The following SLC44A1 variants were observed in gnomAD, a reference collection of about 807,000 sequenced individuals.
The protein encoded by SLC44A1 is solute carrier family 44 member 1, also known as choline transporter-like protein 1.
In SLC44A1, 26 loss-of-function variants were observed where a neutral mutation model predicts 79.3. The observed-to-expected ratio is 0.33, with a 90% CI of 0.24 to 0.46. The LOEUF is 0.46. SLC44A1 is among the 20% of genes least tolerant of loss of function. The pLI, the probability that SLC44A1 is intolerant of heterozygous loss-of-function variation, is 1.00. For missense variants in SLC44A1, 688 were observed against 798.1 expected (o/e 0.86, Z 1.66); for synonymous variants, 263 against 286.2 (o/e 0.92, Z 0.82).
intron 15 of SLC44A1, among the ~76,000 whole-genome samples, chr9:105,428,552 G>A (rs1349741287): frequency 6.6e-6 from 1 of 152,162 alleles, no homozygotes; most frequent in African/African-American, 2.4e-5. Context: ...CTAATTCTCA[G>A]TTTCCCCATC....
At chr9:105,270,772 G>A (rs1451661106) in intron 1 of SLC44A1, among the ~76,000 whole-genome samples, 1 of 152,118 alleles carries the variant, frequency 6.6e-6, no homozygotes, top group Non-Finnish European at 1.5e-5. Context: ...TAAGCACTGG[G>A]ATTTTGTCAG....
Position 105,395,785 on chromosome 9 carries a change from A to G in SLC44A1, c.*6729A>G, listed in dbSNP as rs1329115721. 3 of 985,214 alleles carry G rather than the reference A, an allele frequency of 3.0e-6. No individual in the cohort carries two copies. The highest frequency in any genetic ancestry group is 1.1e-4 in the East Asian group (1 of 8,820). The allele number at this position is 985,214 out of a possible 1,614,324, so 61.0% of individuals were successfully genotyped here. A position where few individuals can be genotyped will look rare whatever the true frequency, so the allele number is the denominator to read the frequency against. ...TGAGTAAAAAAAAAGTAGACATTGAAAAGAAGACTTGGGAATAATTGGGCA... is the reference window on the plus strand; with the variant it reads ...TGAGTAAAAAAAAAGTAGACATTGAGAAGAAGACTTGGGAATAATTGGGCA... On this transcript the variant is annotated 3_prime_UTR_variant, in exon 16 of 16. Coordinates refer to ENST00000374720, the MANE Select transcript of SLC44A1 (RefSeq NM_080546.5).
chr9:105,354,967 C>G (rs952809550), intron 5 of SLC44A1, among the ~76,000 whole-genome samples: 1 of 152,108 alleles, frequency 6.6e-6, no homozygotes, highest in East Asian at 1.9e-4. Flanking sequence ...ATAGTGCCAA[C>G]CAAGACTGAG....
chr9:105,262,662 G>C (rs1829868329), intron 1 of SLC44A1, among the ~76,000 whole-genome samples: 4 of 152,110 alleles, frequency 2.6e-5, no homozygotes, highest in Admixed American at 2.6e-4. Context: ...ATGTGCTCTT[G>C]CCATAGTCCC....
intron 1 of SLC44A1, 84 bp from the exon 2 acceptor site, chr9:105,299,136 C>T (rs189356488): frequency 4.0e-5 from 37 of 923,826 alleles, no homozygotes; most frequent in Middle Eastern, 3.3e-4. Flanking sequence ...AAGAAGGGCT[C>T]TAGCTATAGC....
intron 15 of SLC44A1, among the ~76,000 whole-genome samples, chr9:105,418,972 C>T (rs1829209887): frequency 6.6e-6 from 1 of 152,186 alleles, no homozygotes; most frequent in Non-Finnish European, 1.5e-5. Context: ...GCTCTGTTTG[C>T]ACTCATCTAC....
intron 15 of SLC44A1, among the ~76,000 whole-genome samples, chr9:105,414,401 T>G (rs1829140733): frequency 1.3e-5 from 2 of 152,220 alleles, no homozygotes; most frequent in Non-Finnish European, 2.9e-5. Context: ...ATCGATGATT[T>G]TCATTAAAGT....
At chr9:105,346,731 T>C (rs1034567898) in intron 4 of SLC44A1, among the ~76,000 whole-genome samples, 1 of 152,142 alleles carries the variant, frequency 6.6e-6, no homozygotes, top group African/African-American at 2.4e-5. Flanking sequence ...AAATATTTAA[T>C]ATTCATGCTT....
chr9:105,412,372 C>T (rs1829108313), intron 15 of SLC44A1, among the ~76,000 whole-genome samples: 1 of 151,992 alleles, frequency 6.6e-6, no homozygotes, highest in South Asian at 2.1e-4. Context: ...TTGATCTGTC[C>T]CCATCATTCT....
chr9:105,258,854 ATTTTTG>A (rs1022178071), intron 1 of SLC44A1, among the ~76,000 whole-genome samples: 1 of 150,322 alleles, frequency 6.7e-6, no homozygotes, highest in Non-Finnish European at 1.5e-5. Context: ...CACCTGGCTA[ATTTTTG>A]TTTTTGTTTT....
intron 4 of SLC44A1, among the ~76,000 whole-genome samples, chr9:105,343,322 G>A (rs1318228281): frequency 5.3e-5 from 8 of 152,068 alleles, no homozygotes; most frequent in Admixed American, 5.2e-4. Flanking sequence ...GAGCCATGAA[G>A]CTTGTGTTTT....
chr9:105,371,464 A>G (rs2131433281), intron 12 of SLC44A1, among the ~76,000 whole-genome samples: 1 of 151,638 alleles, frequency 6.6e-6, no homozygotes, highest in East Asian at 1.9e-4. Flanking sequence ...GCGGTGGCTC[A>G]CGCCTGTAAT....
At chr9:105,404,299 G>A (rs367699662) in intron 15 of SLC44A1, among the ~76,000 whole-genome samples, 21 of 149,278 alleles carry the variant, frequency 1.4e-4, no homozygotes, top group African/African-American at 5.2e-4. Context: ...TGGAGGGATA[G>A]AATCATCAAA....
chr9:105,313,344 C>CCACT (rs1475159629), intron 3 of SLC44A1, among the ~76,000 whole-genome samples: 1 of 152,224 alleles, frequency 6.6e-6, no homozygotes, highest in Non-Finnish European at 1.5e-5. Flanking sequence ...TTACTGTAAA[C>CCACT]TTAGTGGCTT....
At chr9:105,249,889 A>G (rs1440394205) in intron 1 of SLC44A1, among the ~76,000 whole-genome samples, 1 of 143,852 alleles carries the variant, frequency 7.0e-6, no homozygotes, top group Non-Finnish European at 1.5e-5. Flanking sequence ...TTTTTTGTGA[A>G]GTAGGGTCTT....
chr9:105,364,478 T>G (rs747384007), intron 9 of SLC44A1, 77 bp from the exon 10 acceptor site: 1 of 1,288,896 alleles, frequency 7.8e-7, no homozygotes, highest in Non-Finnish European at 1.1e-6. Flanking sequence ...TAGGGACCTA[T>G]TGCCTTCTAC....
chr9:105,379,762 A>G (rs2131456806), intron 13 of SLC44A1, among the ~76,000 whole-genome samples: 1 of 152,290 alleles, frequency 6.6e-6, no homozygotes, highest in Admixed American at 6.5e-5. Context: ...AATCCAGTTT[A>G]AATATTTTTA....
intron 1 of SLC44A1, among the ~76,000 whole-genome samples, chr9:105,249,343 A>C: frequency 6.6e-6 from 1 of 152,160 alleles, no homozygotes; most frequent in East Asian, 1.9e-4. Context: ...ACAGAGACTA[A>C]AGTTGCTCAG....
At chr9:105,319,543 T>G (rs1198724330) in intron 3 of SLC44A1, among the ~76,000 whole-genome samples, 4 of 152,120 alleles carry the variant, frequency 2.6e-5, no homozygotes, top group Admixed American at 1.3e-4. Flanking sequence ...GCTCCTCTGG[T>G]CAATTTGATA....
Sources: gnomAD v4.1 joint callset for allele counts (sites outside exome capture counted in the v4.1 genomes callset) on GRCh38, gnomAD v4.1.1 for gene constraint, MANE v1.5 for transcripts, NCBI Gene and HGNC (gene_info 2026-07-23, HGNC 2026-07-21) for gene names.